SYT1: variants seen among roughly 807,000 people sequenced by gnomAD.
SYT1 encodes synaptotagmin 1, also known as synaptotagmin-1.
In SYT1, 8 loss-of-function variants were observed where a neutral mutation model predicts 44.8. That is an observed-to-expected ratio of 0.18 (90% CI 0.10 to 0.32). SYT1 has a LOEUF of 0.32. Among genes scored for constraint, SYT1 ranks in the 10% least tolerant of loss-of-function variants. The pLI is 1.00. For synonymous variants in SYT1, 154 were observed against 188.8 expected (o/e 0.82, Z 1.51); for missense variants, 286 against 509.3 (o/e 0.56, Z 4.22).
At chr12:79,162,680 TA>T (rs1223547271) in intron 3 of SYT1, among the ~76,000 whole-genome samples, 1 of 152,152 alleles carries the variant, frequency 6.6e-6, no homozygotes, top group Non-Finnish European at 1.5e-5. Flanking sequence ...TTTTAGTCCA[TA>T]AAAACCCTTA....
chr12:79,352,173 A>G (rs1425068282), intron 8 of SYT1, among the ~76,000 whole-genome samples: 2 of 146,278 alleles, frequency 1.4e-5, no homozygotes, highest in African/African-American at 5.1e-5. Context: ...TGAAAAATGG[A>G]TATAATGAAT....
intron 2 of SYT1, among the ~76,000 whole-genome samples, chr12:79,042,321 C>A (rs917200689): frequency 1.1e-3 from 165 of 150,396 alleles, no homozygotes; most frequent in African/African-American, 3.4e-3. Context: ...TTGGTCTATT[C>A]AGAGATTCAA....
At chr12:78,958,722 A>T (rs1879347391) in intron 1 of SYT1, among the ~76,000 whole-genome samples, 1 of 151,784 alleles carries the variant, frequency 6.6e-6, no homozygotes, top group Non-Finnish European at 1.5e-5. Flanking sequence ...ACTATGCATT[A>T]TTGTTTATGG....
chr12:78,910,505 C>T (rs1876255301), intron 1 of SYT1, among the ~76,000 whole-genome samples: 1 of 151,940 alleles, frequency 6.6e-6, no homozygotes, highest in Admixed American at 6.6e-5. Flanking sequence ...TAGATATTTA[C>T]ATCCATCTGG....
intron 9 of SYT1, among the ~76,000 whole-genome samples, chr12:79,424,883 T>C (rs1370083286): frequency 2.6e-5 from 4 of 151,692 alleles, no homozygotes; most frequent in Non-Finnish European, 5.9e-5. Flanking sequence ...ATTGCCCTGC[T>C]CCTTATAGGA....
chr12:79,340,281 A>G (rs1204492403), intron 8 of SYT1, among the ~76,000 whole-genome samples: 2 of 152,146 alleles, frequency 1.3e-5, no homozygotes, highest in East Asian at 3.9e-4. Context: ...TTTTCATGAT[A>G]TTCATTCTTC....
At chr12:79,382,830 C>A (rs1884282293) in intron 9 of SYT1, among the ~76,000 whole-genome samples, 1 of 152,086 alleles carries the variant, frequency 6.6e-6, no homozygotes, top group Non-Finnish European at 1.5e-5. Context: ...TAGTGCAGTC[C>A]CCACTTTGAA....
At chr12:79,176,546 T>C (rs2138374548) in intron 3 of SYT1, among the ~76,000 whole-genome samples, 1 of 152,208 alleles carries the variant, frequency 6.6e-6, no homozygotes, top group East Asian at 1.9e-4. Flanking sequence ...TGAGTAATTC[T>C]TTTAACTAAA....
At chr12:78,900,574 A>G (rs569165541) in intron 1 of SYT1, among the ~76,000 whole-genome samples, 50 of 152,140 alleles carry the variant, frequency 3.3e-4, no homozygotes, top group African/African-American at 1.2e-3. Context: ...GAGAGAGCTG[A>G]TCTCGGTGTG....
chr12:79,354,479 A>G (rs1268233751), intron 9 of SYT1, among the ~76,000 whole-genome samples: 1 of 152,196 alleles, frequency 6.6e-6, no homozygotes, highest in Non-Finnish European at 1.5e-5. Context: ...TCAAAAGGTC[A>G]TCCTAAGGCA....
chr12:79,161,030 C>T (rs1016041757), intron 3 of SYT1, among the ~76,000 whole-genome samples: 2 of 151,890 alleles, frequency 1.3e-5, no homozygotes, highest in Non-Finnish European at 2.9e-5. Context: ...CCCAAGAGCT[C>T]GAGACCATCC....
chr12:79,145,292 T>C (rs914976724), intron 3 of SYT1, among the ~76,000 whole-genome samples: 10 of 152,112 alleles, frequency 6.6e-5, no homozygotes, highest in Admixed American at 6.5e-4. Context: ...AAAAACATAT[T>C]TTTCTAATTT....
chr12:79,368,660 AT>A (rs1883655974), intron 9 of SYT1, among the ~76,000 whole-genome samples: 1 of 151,072 alleles, frequency 6.6e-6, no homozygotes, highest in African/African-American at 2.4e-5. Flanking sequence ...GATGGTGAGC[AT>A]TTTTTCATGT....
intron 3 of SYT1, among the ~76,000 whole-genome samples, chr12:79,115,109 C>A (rs867863197): frequency 7.2e-5 from 11 of 152,246 alleles, no homozygotes; most frequent in African/African-American, 2.6e-4. Context: ...AATTACTGTA[C>A]AGTCACAGTA....
rs189150163 is a variant in SYT1, at chr12:79,046,225, G to A, written c.-83-1072G>A. ...CAGTAAATGAGGTTTTGGAAATACC[G>A]CTGTCACTTTAGATATTTTATGCTG... On this transcript the variant is annotated intron_variant, in intron 2 of 10. Coordinates refer to ENST00000261205, the MANE Select transcript of SYT1 (RefSeq NM_005639.3). 8.5e-5 allele frequency: 13 copies of A among 152,276 alleles called. No individual in the cohort carries two copies. The East Asian group carries it at 2.1e-3, about 25-fold the overall frequency. 9.4% of individuals were successfully genotyped at this position (152,276 alleles called of 1,614,324 possible).
chr12:79,288,398 T>A (rs2138838360), intron 5 of SYT1, among the ~76,000 whole-genome samples: 1 of 152,258 alleles, frequency 6.6e-6, no homozygotes, highest in African/African-American at 2.4e-5. Flanking sequence ...TGAGAGGCAT[T>A]TTAGATATAA....
chr12:79,299,298 A>G (rs947695451), intron 7 of SYT1, 86 bp from the exon 8 acceptor site: 6 of 1,429,162 alleles, frequency 4.2e-6, no homozygotes, highest in African/African-American at 1.5e-5. Context: ...TATGCAACGT[A>G]AATATTAAAT....
At chr12:79,431,818 C>T (rs1052278539) in intron 9 of SYT1, among the ~76,000 whole-genome samples, 1 of 152,232 alleles carries the variant, frequency 6.6e-6, no homozygotes, top group African/African-American at 2.4e-5. Flanking sequence ...GCTGGGATTA[C>T]AGGCATGAGC....
At chr12:79,301,881 G>T (rs2138888457) in intron 8 of SYT1, among the ~76,000 whole-genome samples, 1 of 152,170 alleles carries the variant, frequency 6.6e-6, no homozygotes, top group Admixed American at 6.5e-5. Context: ...CTTTATCAAG[G>T]TATAGGTTAT....
Sources: allele counts gnomAD v4.1 joint callset (sites outside exome capture counted in the v4.1 genomes callset), GRCh38; gene constraint gnomAD v4.1.1; transcripts MANE v1.5; gene names NCBI Gene and HGNC (gene_info 2026-07-23, HGNC 2026-07-21).